The following CCSER1 variants were observed in gnomAD, a reference collection of about 807,000 sequenced individuals.
CCSER1 encodes serine-rich coiled-coil domain-containing protein 1.
Under a neutral mutation model 82.0 loss-of-function variants are expected in CCSER1, and 41 were observed. That is an observed-to-expected ratio of 0.50 (90% CI 0.39 to 0.65). The LOEUF (loss-of-function observed/expected upper bound fraction) is 0.65, where lower values mean the gene tolerates loss of function less well. Ranked by LOEUF, CCSER1 falls within the 30% of genes least tolerant of loss-of-function variation. CCSER1 has a pLI of 0.00. For synonymous variants in CCSER1, 414 were observed against 383.9 expected, an observed-to-expected ratio of 1.08 and a Z score of -0.92; for missense variants, 1,119 against 1,064.2, an observed-to-expected ratio of 1.05 and a Z score of -0.72.
chr4:91,388,122 C>G (rs1751418646), intron 10 of CCSER1, among the ~76,000 whole-genome samples: 1 of 152,060 alleles, frequency 6.6e-6, no homozygotes, highest in Admixed American at 6.6e-5. Flanking sequence ...CTCAAGTGAT[C>G]CACCTGCCTC....
intron 10 of CCSER1, among the ~76,000 whole-genome samples, chr4:91,440,029 C>T (rs911409422): frequency 1.3e-4 from 19 of 151,816 alleles, no homozygotes; most frequent in Admixed American, 1.3e-4. Flanking sequence ...GATTTTAACA[C>T]CCCACTGTCA....
intron 5 of CCSER1, among the ~76,000 whole-genome samples, chr4:90,565,985 G>C (rs1218140352): frequency 6.7e-6 from 1 of 150,030 alleles, no homozygotes; most frequent in Non-Finnish European, 1.5e-5. Context: ...CTCATCCCTA[G>C]TAGCTGGGAC....
chr4:90,322,719 A>G (rs1220711590), intron 3 of CCSER1, among the ~76,000 whole-genome samples: 1 of 152,176 alleles, frequency 6.6e-6, no homozygotes, highest in African/African-American at 2.4e-5. Context: ...TTGCTGTTGT[A>G]AATGGTAATG....
intron 10 of CCSER1, among the ~76,000 whole-genome samples, chr4:91,266,261 T>G (rs187789762): frequency 6.6e-6 from 1 of 151,104 alleles, no homozygotes; most frequent in East Asian, 1.9e-4. Context: ...TTTGTTTTGT[T>G]TTTTTTTTGA....
At chr4:90,627,903 A>G in intron 5 of CCSER1, 122 bp from the exon 6 acceptor site, 1 of 721,516 alleles carries the variant, frequency 1.4e-6, no homozygotes, top group Non-Finnish European at 2.4e-6. Context: ...ATAAACTAAT[A>G]TCATGAAATG....
rs564688701 is a variant in CCSER1, at chr4:90,153,138, T to G, written c.-42+25307T>G. Among the ~76,000 whole-genome samples the G allele has an allele frequency of 3.3e-5, 5 of 150,642 alleles. No homozygotes were observed. The South Asian group carries it at 1.1e-3, about 32-fold the overall frequency. The stretch of plus-strand genomic sequence containing the variant: ...CCTATGAGTGAGAATATGCGGTGTT[T>G]GGTATTTTGTTCTTGAGATAGTTTA... On this transcript the variant is annotated intron_variant, in intron 1 of 10. Transcript: ENST00000509176.
chr4:90,410,304 C>G (rs565338901), intron 4 of CCSER1, among the ~76,000 whole-genome samples: 129 of 152,290 alleles, frequency 8.5e-4, no homozygotes, highest in African/African-American at 2.8e-3. Context: ...GCAGAACTCT[C>G]CACCCCAAAT....
chr4:91,339,268 A>G (rs1009971640), intron 10 of CCSER1, among the ~76,000 whole-genome samples: 27 of 152,174 alleles, frequency 1.8e-4, no homozygotes, highest in Admixed American at 4.6e-4. Context: ...CACTTGCCAT[A>G]CTGCCAGACA....
At chr4:91,348,443 G>A (rs1748224043) in intron 10 of CCSER1, among the ~76,000 whole-genome samples, 1 of 152,048 alleles carries the variant, frequency 6.6e-6, no homozygotes, top group Non-Finnish European at 1.5e-5. Flanking sequence ...TTTTTGTCTT[G>A]TAACTGATTT....
chr4:91,043,122 C>A (rs951176233), intron 9 of CCSER1, among the ~76,000 whole-genome samples: 1 of 151,082 alleles, frequency 6.6e-6, no homozygotes, highest in Non-Finnish European at 1.5e-5. Flanking sequence ...AACACCAAAA[C>A]GAACAAAGAG....
At chr4:90,692,147 A>G (rs1264231085) in intron 6 of CCSER1, among the ~76,000 whole-genome samples, 1 of 151,116 alleles carries the variant, frequency 6.6e-6, no homozygotes, top group Non-Finnish European at 1.5e-5. Flanking sequence ...TCATTCACAA[A>G]TCTCATTATA....
intron 5 of CCSER1, among the ~76,000 whole-genome samples, chr4:90,512,450 T>C (rs1242985233): frequency 6.6e-6 from 1 of 152,192 alleles, no homozygotes; most frequent in Non-Finnish European, 1.5e-5. Context: ...CATTTGATGA[T>C]TTATTGTTAT....
At chr4:90,363,707 TA>T (rs1745790020) in intron 3 of CCSER1, among the ~76,000 whole-genome samples, 2 of 152,102 alleles carry the variant, frequency 1.3e-5, no homozygotes, top group South Asian at 4.1e-4. Context: ...ATTATTTTAT[TA>T]AAATATGACC....
At chr4:91,135,834 T>C (rs970277371) in intron 10 of CCSER1, among the ~76,000 whole-genome samples, 3 of 152,202 alleles carry the variant, frequency 2.0e-5, no homozygotes, top group African/African-American at 7.2e-5. Context: ...AACTTCGCTA[T>C]AAGTTTATTT....
At chr4:90,812,830 T>G (rs149619495) in intron 7 of CCSER1, among the ~76,000 whole-genome samples, 1 of 152,040 alleles carries the variant, frequency 6.6e-6, no homozygotes, top group African/African-American at 2.4e-5. Flanking sequence ...AGCCATCAGA[T>G]CTCATGAGAA....
At chr4:90,252,541 A>G (rs945840081) in intron 1 of CCSER1, among the ~76,000 whole-genome samples, 1 of 151,796 alleles carries the variant, frequency 6.6e-6, no homozygotes, top group Non-Finnish European at 1.5e-5. Context: ...TACATGAGGT[A>G]TTTTGACACA....
intron 1 of CCSER1, among the ~76,000 whole-genome samples, chr4:90,215,177 G>A (rs1740794395): frequency 1.3e-5 from 2 of 152,164 alleles, no homozygotes; most frequent in Admixed American, 6.5e-5. Context: ...TCCTAAGCAT[G>A]TTCACCGTTC....
At chr4:91,561,121 C>A (rs1360168304) in intron 10 of CCSER1, among the ~76,000 whole-genome samples, 3 of 151,406 alleles carry the variant, frequency 2.0e-5, no homozygotes, top group Non-Finnish European at 3.0e-5. Context: ...CCTGGAATAT[C>A]CTCTGTATAT....
intron 1 of CCSER1, among the ~76,000 whole-genome samples, chr4:90,230,362 TG>T (rs1322459981): frequency 1.3e-5 from 2 of 152,124 alleles, no homozygotes; most frequent in Non-Finnish European, 2.9e-5. Flanking sequence ...AACCTGCTCC[TG>T]AATGACTACT....
Sources: gnomAD v4.1 joint callset for allele counts (sites outside exome capture counted in the v4.1 genomes callset) on GRCh38, gnomAD v4.1.1 for gene constraint, MANE v1.5 for transcripts, NCBI Gene and HGNC (gene_info 2026-07-23, HGNC 2026-07-21) for gene names.